The following NCAM2 variants were observed in gnomAD, a reference collection of about 807,000 sequenced individuals.
The protein encoded by NCAM2 is N-CAM-2.
In NCAM2, 30 loss-of-function variants were observed where a neutral mutation model predicts 98.1. The ratio of observed to expected loss-of-function variants is 0.31; its 90% CI spans 0.23 to 0.41. NCAM2 has a LOEUF of 0.41. NCAM2 is among the 10% of genes least tolerant of loss of function. The probability of loss-of-function intolerance (pLI) is 1.00; values close to 1 mark genes in which losing one functional copy is unlikely to be tolerated. For synonymous variants in NCAM2, 368 were observed against 342.4 expected, an observed-to-expected ratio of 1.07 and a Z score of -0.83; for missense variants, 867 against 1,005.8, an observed-to-expected ratio of 0.86 and a Z score of 1.87.
intron 1 of NCAM2, among the ~76,000 whole-genome samples, chr21:21,182,583 A>T (rs377256406): frequency 6.6e-6 from 1 of 152,066 alleles, no homozygotes; most frequent in East Asian, 1.9e-4. Flanking sequence ...AAATTTTGTC[A>T]TGTGTCTGTT....
rs1989088164 is a variant in NCAM2 at position 21,522,632 on chromosome 21, C to CTTTCT, written c.2283-11902_2283-11901insCTTTT. 4.0e-5 allele frequency among the ~76,000 whole-genome samples: 5 copies of CTTTCT among 124,748 alleles called. No homozygotes were observed. The South Asian group carries it at 1.3e-3, about 32-fold the overall frequency. The allele number at this position is 124,748 out of a possible 152,430, so 81.8% of individuals were successfully genotyped here. ...AAGTTCTTTTTTTCTTTTTCTTTTT[C>CTTTCT]TTTTTTTTTTTTTTTTGAGACAGAG... On this transcript the variant is annotated intron_variant, in intron 16 of 17. Coordinates refer to ENST00000400546, the MANE Select transcript of NCAM2 (RefSeq NM_004540.5).
At chr21:21,327,051 G>C (rs1310461754) in intron 6 of NCAM2, among the ~76,000 whole-genome samples, 1 of 152,092 alleles carries the variant, frequency 6.6e-6, no homozygotes, top group Admixed American at 6.5e-5. Flanking sequence ...ACCACCCACT[G>C]GGTAGTTCAC....
chr21:21,009,750 A>C lies in NCAM2; in HGVS notation c.55+11132A>C, dbSNP rs532646703. 6.8e-4 allele frequency among the ~76,000 whole-genome samples: 103 copies of C among 152,128 alleles called. 2 individuals carry two copies. The highest frequency in any genetic ancestry group is 2.4e-3 in the African/African-American group (100 of 41,532). ...TATTGTTATTGGAAACCAATTCTGA[A>C]CTGTATGTATGGTAAGAGAAGTGAG... is the stretch of plus-strand genomic sequence containing the variant. On this transcript the variant is annotated intron_variant, in intron 1 of 17. Transcript: ENST00000400546.
chr21:21,113,552 A>T (rs140128965), intron 1 of NCAM2, among the ~76,000 whole-genome samples: 204 of 152,176 alleles, frequency 1.3e-3, no homozygotes, highest in African/African-American at 4.5e-3. Flanking sequence ...TCTTTTACAC[A>T]CATGGCCTAT....
At chr21:21,385,617 C>A in intron 9 of NCAM2, 1 of 1,287,604 alleles carries the variant, frequency 7.8e-7, no homozygotes, top group Non-Finnish European at 1.0e-6. Context: ...AAACAGATTT[C>A]TTGGCATTCT....
chr21:21,011,831 A>G (rs903579209), intron 1 of NCAM2, among the ~76,000 whole-genome samples: 3 of 152,178 alleles, frequency 2.0e-5, no homozygotes. Flanking sequence ...CAAACAACTG[A>G]GTAGATATCT....
chr21:21,279,626 G>C (rs1265735980), intron 1 of NCAM2, among the ~76,000 whole-genome samples: 1 of 152,162 alleles, frequency 6.6e-6, no homozygotes, highest in Non-Finnish European at 1.5e-5. Flanking sequence ...CAAAGTGCTG[G>C]GATTACAGGC....
At chr21:21,133,301 C>T (rs1306729428) in intron 1 of NCAM2, among the ~76,000 whole-genome samples, 1 of 152,178 alleles carries the variant, frequency 6.6e-6, no homozygotes, top group Non-Finnish European at 1.5e-5. Context: ...CACTAGTCTA[C>T]TCAACATGGA....
chr21:21,110,822 A>T (rs2146525794), intron 1 of NCAM2, among the ~76,000 whole-genome samples: 2 of 152,114 alleles, frequency 1.3e-5, no homozygotes, highest in African/African-American at 4.8e-5. Flanking sequence ...AGTTCCTTAA[A>T]CTAGTAACTT....
Position 21,542,601 on chromosome 21 carries a change from C to T in NCAM2, c.*4644C>T, listed in dbSNP as rs1231217933. ...CTCCCATGGAAGACAGTAAGCAAAA[C>T]CATCACTGTTGGAGAATTTCAAATC... On this transcript the variant is annotated 3_prime_UTR_variant, in exon 18 of 18. Transcript: ENST00000400546. 1 of 151,622 alleles carries T rather than the reference C, an allele frequency of 6.6e-6. No homozygotes were observed. The highest frequency in any genetic ancestry group is 1.9e-4 in the East Asian group (1 of 5,176). 9.4% of individuals were successfully genotyped at this position (151,622 alleles called of 1,614,324 possible).
intron 9 of NCAM2, among the ~76,000 whole-genome samples, chr21:21,384,850 A>G (rs531955620): frequency 2.6e-5 from 4 of 152,192 alleles, no homozygotes; most frequent in East Asian, 1.9e-4. Flanking sequence ...TATTTTTTGT[A>G]ATAGAAATAG....
intron 5 of NCAM2, among the ~76,000 whole-genome samples, chr21:21,316,653 C>T (rs1228006556): frequency 1.3e-5 from 2 of 148,694 alleles, no homozygotes; most frequent in East Asian, 4.0e-4. Flanking sequence ...AAGTGATTCT[C>T]CTGCCTCAGC....
intron 12 of NCAM2, among the ~76,000 whole-genome samples, chr21:21,433,432 G>T (rs2077386971): frequency 6.6e-6 from 1 of 151,824 alleles, no homozygotes; most frequent in Admixed American, 6.6e-5. Context: ...ATTTTGTTTT[G>T]TTTTATTTTA....
At chr21:21,194,973 T>G (rs564832013) in intron 1 of NCAM2, among the ~76,000 whole-genome samples, 1 of 152,296 alleles carries the variant, frequency 6.6e-6, no homozygotes, top group Admixed American at 6.5e-5. Context: ...TTCAAATTTT[T>G]TATGATCTGT....
At chr21:21,503,502 C>T (rs1569124384) in intron 15 of NCAM2, among the ~76,000 whole-genome samples, 1 of 151,810 alleles carries the variant, frequency 6.6e-6, no homozygotes, top group Non-Finnish European at 1.5e-5. Context: ...GATATTTCAT[C>T]GCACTACTCA....
chr21:21,317,943 A>G (rs1415246297), intron 5 of NCAM2, among the ~76,000 whole-genome samples: 1 of 152,192 alleles, frequency 6.6e-6, no homozygotes, highest in East Asian at 1.9e-4. Context: ...GTGAATTCTC[A>G]GATCAGTTTC....
At chr21:21,209,579 A>G (rs2069568350) in intron 1 of NCAM2, among the ~76,000 whole-genome samples, 1 of 152,072 alleles carries the variant, frequency 6.6e-6, no homozygotes, top group Non-Finnish European at 1.5e-5. Context: ...GGAAAAGGGC[A>G]GGGAGACTTG....
chr21:21,241,237 A>C (rs2071054359), intron 1 of NCAM2, among the ~76,000 whole-genome samples: 1 of 152,128 alleles, frequency 6.6e-6, no homozygotes, highest in African/African-American at 2.4e-5. Context: ...CTTTTTAAAA[A>C]TATATTGTTC....
chr21:21,410,497 T>C lies in NCAM2; in HGVS notation c.1383+36T>C, dbSNP rs144447288. ...ATGTATACATCAATAAATTGTATTA[T>C]TTTAACAACTATCTACTATTTCAGA... On this transcript the variant is annotated intron_variant, in intron 10 of 17. Transcript: ENST00000400546. 1.5e-3 allele frequency: 1,813 copies of C among 1,183,390 alleles called. 28 individuals carry two copies. The African/African-American group carries it at 0.026, about 17-fold the overall frequency. The allele number at this position is 1,183,390 out of a possible 1,614,324, so 73.3% of individuals were successfully genotyped here.
Sources: gnomAD v4.1 joint callset for allele counts (sites outside exome capture counted in the v4.1 genomes callset) on GRCh38, gnomAD v4.1.1 for gene constraint, MANE v1.5 for transcripts, NCBI Gene and HGNC (gene_info 2026-07-23, HGNC 2026-07-21) for gene names.